The following DOCK5 variants were observed in gnomAD, a reference collection of about 807,000 sequenced individuals.
DOCK5 encodes the protein dedicator of cytokinesis protein 5.
A neutral mutation model predicts 251.8 loss-of-function variants in DOCK5; 142 were observed. The observed-to-expected ratio is 0.56, with a 90% CI of 0.49 to 0.65. The LOEUF (loss-of-function observed/expected upper bound fraction) is 0.65. Among genes scored for constraint, DOCK5 ranks in the 30% least tolerant of loss-of-function variants. The pLI, the probability that DOCK5 is intolerant of heterozygous loss-of-function variation, is 0.00. For missense variants in DOCK5, 2,111 were observed against 2,312.3 expected (o/e 0.91, Z 1.79); for synonymous variants, 842 against 835.5 (o/e 1.01, Z -0.13).
intron 1 of DOCK5, among the ~76,000 whole-genome samples, chr8:25,204,151 C>T (rs1199276757): frequency 1.3e-5 from 2 of 152,022 alleles, no homozygotes; most frequent in South Asian, 2.1e-4. Context: ...TTTTTAATAG[C>T]ATGTGTTTGG....
intron 1 of DOCK5, among the ~76,000 whole-genome samples, chr8:25,219,141 C>T (rs923733433): frequency 6.6e-6 from 1 of 152,222 alleles, no homozygotes; most frequent in Non-Finnish European, 1.5e-5. Context: ...TTCCCCTCCC[C>T]TCTGAGTCAC....
chr8:25,245,131 A>G (rs1464040478), intron 2 of DOCK5, among the ~76,000 whole-genome samples: 3 of 152,164 alleles, frequency 2.0e-5, no homozygotes, highest in Non-Finnish European at 4.4e-5. Context: ...ATCTCAGCTC[A>G]CTGCAAGCTC....
chr8:25,368,402 A>G (rs927221870), intron 32 of DOCK5, among the ~76,000 whole-genome samples, 152 bp downstream of exon 32: 2 of 152,216 alleles, frequency 1.3e-5, no homozygotes, highest in African/African-American at 4.8e-5. Context: ...TTCATTGACA[A>G]TGAACTGTCT....
intron 10 of DOCK5, among the ~76,000 whole-genome samples, chr8:25,303,709 C>A (rs1365206068): frequency 6.6e-6 from 1 of 152,108 alleles, no homozygotes; most frequent in African/African-American, 2.4e-5. Flanking sequence ...TCCCTGTAAT[C>A]CCAGCACTTT....
intron 33 of DOCK5, 76 bp from the exon 34 acceptor site, chr8:25,369,480 G>C: frequency 3.0e-6 from 4 of 1,355,322 alleles, no homozygotes; most frequent in Admixed American, 2.0e-5. Context: ...GAATGGGTTG[G>C]CCAAGTCTAG....
At chr8:25,282,313 G>T (rs955732778) in intron 5 of DOCK5, among the ~76,000 whole-genome samples, 1 of 150,784 alleles carries the variant, frequency 6.6e-6, no homozygotes, top group Non-Finnish European at 1.5e-5. Flanking sequence ...AAACGTTTCT[G>T]TATCAAAGTA....
At chr8:25,185,020 G>C in intron 1 of DOCK5, 69 bp downstream of exon 1, 4 of 1,277,926 alleles carry the variant, frequency 3.1e-6, no homozygotes, top group Non-Finnish European at 4.0e-6. Flanking sequence ...GGCCCTGCCA[G>C]GTTTGCGCAG....
rs566691068 is a variant in DOCK5 at position 25,389,219 on chromosome 8, G to A, written c.4260G>A (p.Ser1420=). The A allele has an allele frequency of 3.3e-5, 54 of 1,613,906 alleles. No individual in the cohort carries two copies. The highest frequency in any genetic ancestry group is 6.7e-5 in the East Asian group (3 of 44,874). The change falls in exon 41 of 52, where the codon TCG becomes TCA. Residue 1420 remains serine (S), a synonymous_variant. Coordinates refer to ENST00000276440, the MANE Select transcript of DOCK5 (RefSeq NM_024940.8). Reference sequence around the variant, plus strand: ...CGCCTCCTGGGGAAGACATCAAGTCGTCCCCCAAGCAGTGTATCCTTTCCG... The same window carrying A: ...CGCCTCCTGGGGAAGACATCAAGTCATCCCCCAAGCAGTGTATCCTTTCCG... The part of the protein sequence containing the change: ...STTPPGEDIK[S]SPKQYMQCFT...
intron 3 of DOCK5, among the ~76,000 whole-genome samples, chr8:25,273,537 A>T (rs945402656): frequency 6.6e-6 from 1 of 152,234 alleles, no homozygotes; most frequent in Non-Finnish European, 1.5e-5. Context: ...CGGAGGGCGG[A>T]GGTTGCAGTG....
chr8:25,369,230 G>T (rs1295234861), intron 33 of DOCK5, among the ~76,000 whole-genome samples: 1 of 152,210 alleles, frequency 6.6e-6, no homozygotes, highest in Non-Finnish European at 1.5e-5. Flanking sequence ...CAATCTCACT[G>T]CAGAGACTTA....
chr8:25,377,928 A>G lies in DOCK5; in HGVS notation c.3936+504A>G, dbSNP rs570599547. Among the ~76,000 whole-genome samples the G allele has an allele frequency of 2.1e-5, 3 of 145,100 alleles. No homozygotes were observed. In the East Asian group the frequency reaches 6.1e-4, roughly 29 times the overall value. ...GGGGTTTCTTTTTTTTTTTTTTGGTAAATATGGGGTCTCACCAGTTGCCCA... is the reference window on the plus strand; with the variant it reads ...GGGGTTTCTTTTTTTTTTTTTTGGTGAATATGGGGTCTCACCAGTTGCCCA... On this transcript the variant is annotated intron_variant, in intron 38 of 51. Coordinates refer to ENST00000276440, the MANE Select transcript of DOCK5 (RefSeq NM_024940.8).
intron 34 of DOCK5, among the ~76,000 whole-genome samples, chr8:25,370,444 G>A (rs1171711191): frequency 6.6e-6 from 1 of 152,162 alleles, no homozygotes; most frequent in African/African-American, 2.4e-5. Context: ...CTGTTGCAGA[G>A]TTCATGACTA....
At chr8:25,283,582 T>C (rs1431934282) in intron 5 of DOCK5, among the ~76,000 whole-genome samples, 1 of 152,068 alleles carries the variant, frequency 6.6e-6, no homozygotes, top group Non-Finnish European at 1.5e-5. Flanking sequence ...CTGGAAGCAG[T>C]AGCCATCTGG....
chr8:25,386,706 C>T (rs927936881), intron 40 of DOCK5, among the ~76,000 whole-genome samples: 3 of 152,132 alleles, frequency 2.0e-5, no homozygotes, highest in Non-Finnish European at 4.4e-5. Flanking sequence ...CTGCCATAGC[C>T]GTTACATATG....
chr8:25,395,164 C>CACAACCTAGATCCCTCGCATGT (rs1801324403), intron 44 of DOCK5, among the ~76,000 whole-genome samples: 1 of 152,164 alleles, frequency 6.6e-6, no homozygotes, highest in Admixed American at 6.5e-5. Context: ...ATAAGGCATG[C>CACAACCTAGATCCCTCGCATGT]ACAACCTAGA....
chr8:25,292,033 C>G lies in DOCK5; in HGVS notation c.331C>G (p.Leu111Val). ...TATTTTCTCATCTTAGAACAACAAG[C>G]TCACCCTCTTCCGCCAGCTGCAGCA... ...IWRKLYVNNKLTLFRQLQQMT... is the reference protein window; with the variant it reads ...IWRKLYVNNKVTLFRQLQQMT... Residue 111 changes from leucine to valine, a missense_variant, in exon 6 of 52, where the codon CTC becomes GTC. Around this residue, in one of 3 missense-constraint regions of DOCK5, gnomAD observed 335 missense variants for 324.9 expected, o/e 1.03. Coordinates refer to ENST00000276440, the MANE Select transcript of DOCK5 (RefSeq NM_024940.8). 1.9e-6 allele frequency: 3 copies of G among 1,596,918 alleles called. No homozygotes were observed. Among genetic ancestry groups the G allele is most frequent in the Non-Finnish European group, 2.6e-6 (3 of 1,171,808 alleles).
chr8:25,372,759 GGCC>G (rs1156964981), intron 35 of DOCK5, 41 bp downstream of exon 35: 1 of 1,577,754 alleles, frequency 6.3e-7, no homozygotes. Context: ...GGTACTGTCA[GGCC>G]GCCCCTGCAC....
chr8:25,392,990 C>T, intron 44 of DOCK5, 108 bp downstream of exon 44: 1 of 891,864 alleles, frequency 1.1e-6, no homozygotes, highest in South Asian at 1.5e-5. Context: ...CCAGCCTCCT[C>T]TGGCCAACTT....
At chr8:25,308,230 A>G (rs1005550171) in intron 11 of DOCK5, among the ~76,000 whole-genome samples, 3 of 152,126 alleles carry the variant, frequency 2.0e-5, no homozygotes, top group African/African-American at 7.2e-5. Flanking sequence ...GGCAGCACCT[A>G]TGCCAAGATC....
Sources: allele counts gnomAD v4.1 joint callset (sites outside exome capture counted in the v4.1 genomes callset), GRCh38; gene constraint gnomAD v4.1.1; regional missense constraint gnomAD v4.1.1; transcripts MANE v1.5; gene names NCBI Gene and HGNC (gene_info 2026-07-23, HGNC 2026-07-21).